The following RP1 variants were observed in gnomAD, a reference collection of about 807,000 sequenced individuals.
RP1 encodes the protein RP1 axonemal microtubule associated, also known as oxygen-regulated protein 1.
In RP1, 16 loss-of-function variants were observed where a neutral mutation model predicts 14.8. That is an observed-to-expected ratio of 1.08 (90% CI 0.73 to 1.65). The LOEUF (loss-of-function observed/expected upper bound fraction) is 1.65, where lower values mean the gene tolerates loss of function less well. RP1 is among the 40% of genes most tolerant of loss of function. RP1 has a pLI of 0.00. For missense variants in RP1, 2,631 were observed against 2,535.0 expected (o/e 1.04, Z -0.81); for synonymous variants, 876 against 883.6 (o/e 0.99, Z 0.15).
chr8:54,679,843 C>G, exon 12 of RP1: 1 of 1,535,976 alleles, frequency 6.5e-7, no homozygotes, highest in South Asian at 1.2e-5. Context: ...AGGAAATACT[C>G]TTCAGTTCTA....
At chr8:54,739,700 G>A (rs978593441) in intron 19 of RP1, among the ~76,000 whole-genome samples, 7 of 149,976 alleles carry the variant, frequency 4.7e-5, no homozygotes, top group African/African-American at 1.5e-4. Context: ...TCTGTCTCTC[G>A]GTATAGATAT....
At position 54,775,073 on chromosome 8, in the gene RP1, C is replaced by CA. The variant is rs759096161; in HGVS notation, c.3451+4918dup. On this transcript the variant is annotated intron_variant, in intron 23 of 28. Coordinates refer to the RP1 transcript ENST00000637698. ...AACAGCATGCACCTAGTTGTGATGA[C>CA]AAAAAAAAAAAATGTCTCCAGACAT... Among the ~76,000 whole-genome samples, 839 of 139,306 alleles carry CA rather than the reference C, an allele frequency of 6.0e-3. 4 individuals are homozygous for CA. The highest frequency in any genetic ancestry group is 6.7e-3 in the Non-Finnish European group (426 of 63,792). The allele number at this position is 139,306 out of a possible 152,430, so 91.4% of individuals were successfully genotyped here.
chr8:54,724,404 G>C (rs1738398708), intron 16 of RP1, among the ~76,000 whole-genome samples: 1 of 152,122 alleles, frequency 6.6e-6, no homozygotes. Flanking sequence ...GGTAGATCTT[G>C]ATATAGCTTA....
At chr8:54,757,303 AT>A (rs1440300940) in intron 21 of RP1, among the ~76,000 whole-genome samples, 3 of 152,220 alleles carry the variant, frequency 2.0e-5, no homozygotes, top group African/African-American at 7.2e-5. Context: ...AACAGACCAA[AT>A]TTAATTCTGT....
chr8:54,638,076 A>G (rs879326797), intron 3 of RP1, among the ~76,000 whole-genome samples: 3 of 152,004 alleles, frequency 2.0e-5, no homozygotes, highest in Admixed American at 6.6e-5. Context: ...TTTCCTCTCT[A>G]TATTGAATGT....
rs1189769414 is a variant in RP1, at chr8:54,628,630, T to A, written c.4748T>A (p.Ile1583Asn). ...SESSPDLKKC[I>N]KSPVTSDWSD... ...TCCTCTCCTGATTTAAAAAAATGCATCAAAAGTCCAGTGACTTCTGATTGG... is the reference window on the plus strand; with the variant it reads ...TCCTCTCCTGATTTAAAAAAATGCAACAAAAGTCCAGTGACTTCTGATTGG... Residue 1583 changes from isoleucine (I) to asparagine (N), a missense_variant, in exon 4 of 4, where the codon ATC becomes AAC. By Grantham distance (149) the Ile-to-Asn change is moderately radical. Transcript: ENST00000220676. 8.7e-6 allele frequency: 14 copies of A among 1,613,900 alleles called. 1 individual carries two copies. In the South Asian group the frequency reaches 1.2e-4, roughly 14 times the overall value.
exon 29 of RP1, chr8:54,869,945 G>C (rs1225572365): frequency 8.4e-7 from 1 of 1,188,744 alleles, no homozygotes; most frequent in Non-Finnish European, 1.1e-6. Flanking sequence ...TCTCCTGAAA[G>C]GGCCCACTTG....
intron 24 of RP1, among the ~76,000 whole-genome samples, chr8:54,784,782 C>T (rs1034211359): frequency 5.3e-5 from 8 of 151,928 alleles, no homozygotes; most frequent in Non-Finnish European, 1.0e-4. Context: ...TAAAATTTAT[C>T]AGTTTATTTG....
rs137887907 is a variant in RP1, at chr8:54,706,327, A to G, written c.1999-116A>G. The G allele has an allele frequency of 3.1e-3, 3,177 of 1,021,372 alleles. 15 individuals are homozygous for G. The highest frequency in any genetic ancestry group is 6.1e-3 in the Middle Eastern group (19 of 3,136). 63.3% of individuals were successfully genotyped at this position (1,021,372 alleles called of 1,614,324 possible). A position where few individuals can be genotyped will look rare whatever the true frequency, so the allele number is the denominator to read the frequency against. ...TTACTTCTTTTGCTCGTTTTCAGCC[A>G]CCAAGCCTCCTGGTCACTATGGCTT... is the stretch of plus-strand genomic sequence containing the variant. On this transcript the variant is annotated intron_variant, in intron 14 of 22. Transcript: ENST00000636932.
chr8:54,760,020 T>G (rs1215456747), intron 22 of RP1, among the ~76,000 whole-genome samples: 1 of 151,876 alleles, frequency 6.6e-6, no homozygotes, highest in Non-Finnish European at 1.5e-5. Context: ...GCCAAGAAAA[T>G]TGCAACTTTA....
At chr8:54,756,837 G>A (rs1053801656) in intron 21 of RP1, among the ~76,000 whole-genome samples, 11 of 152,126 alleles carry the variant, frequency 7.2e-5, no homozygotes, top group African/African-American at 2.2e-4. Flanking sequence ...ATCATGGGAC[G>A]TTACCTGCTG....
intron 22 of RP1, among the ~76,000 whole-genome samples, chr8:54,759,877 A>T (rs1464726986): frequency 6.6e-6 from 1 of 152,162 alleles, no homozygotes; most frequent in Admixed American, 6.5e-5. Flanking sequence ...TTGAGGTTCC[A>T]TTTTGAAAAT....
chr8:54,598,974 G>A (rs771334777), intron 1 of RP1, among the ~76,000 whole-genome samples: 1 of 152,056 alleles, frequency 6.6e-6, no homozygotes, highest in Non-Finnish European at 1.5e-5. Context: ...TTTTGTCCTT[G>A]GGGTTTGATC....
intron 1 of RP1, among the ~76,000 whole-genome samples, chr8:54,571,692 T>G (rs1438400266): frequency 1.3e-5 from 2 of 152,204 alleles, no homozygotes; most frequent in Non-Finnish European, 2.9e-5. Context: ...CTGCCAGTTC[T>G]GGAGGCTGGA....
At chr8:54,644,681 A>T (rs570124324) in intron 3 of RP1, among the ~76,000 whole-genome samples, 1 of 152,288 alleles carries the variant, frequency 6.6e-6, no homozygotes, top group African/African-American at 2.4e-5. Context: ...CCCACTTCTT[A>T]TTACCAAATC....
chr8:54,596,610 G>C (rs951157279), intron 1 of RP1, among the ~76,000 whole-genome samples: 6 of 152,278 alleles, frequency 3.9e-5, no homozygotes, highest in African/African-American at 1.2e-4. Flanking sequence ...CATGTTGTCT[G>C]TTTTTGTTAG....
intron 26 of RP1, among the ~76,000 whole-genome samples, chr8:54,855,293 A>T (rs913600629): frequency 6.6e-6 from 1 of 152,208 alleles, no homozygotes; most frequent in African/African-American, 2.4e-5. Flanking sequence ...ATGTTGTAGC[A>T]TGTGAGAGGA....
chr8:54,862,514 G>T (rs1812367012), intron 27 of RP1, among the ~76,000 whole-genome samples: 1 of 152,078 alleles, frequency 6.6e-6, no homozygotes, highest in Non-Finnish European at 1.5e-5. Flanking sequence ...TAAAGGTAAA[G>T]GTCCTCTAAT....
intron 1 of RP1, among the ~76,000 whole-genome samples, chr8:54,610,394 C>T (rs1331161176): frequency 1.3e-5 from 2 of 152,212 alleles, no homozygotes; most frequent in Admixed American, 6.5e-5. Flanking sequence ...TTTACACTCA[C>T]TTCTTGGAAG....
Sources: allele counts gnomAD v4.1 joint callset (sites outside exome capture counted in the v4.1 genomes callset), GRCh38; gene constraint gnomAD v4.1.1; transcripts MANE v1.5; gene names NCBI Gene and HGNC (gene_info 2026-07-23, HGNC 2026-07-21).